Variants in MRE11 observed in about 807,000 individuals in gnomAD.
MRE11 encodes the protein double-strand break repair protein MRE11.
In MRE11, 62 loss-of-function variants were observed where a neutral mutation model predicts 91.7. The ratio of observed to expected loss-of-function variants is 0.68; its 90% CI spans 0.55 to 0.84. MRE11 has a LOEUF of 0.84. Among genes scored for constraint, MRE11 ranks in the 40% least tolerant of loss-of-function variants. MRE11 has a pLI of 0.00. For missense variants in MRE11, 796 were observed against 852.9 expected, an observed-to-expected ratio of 0.93 and a Z score of 0.83; for synonymous variants, 273 against 271.4, an observed-to-expected ratio of 1.01 and a Z score of -0.06.
rs566303799 is a variant in MRE11, at chr11:94,426,078, C to T, written c.2070+3833G>A. Reference sequence around the variant, plus strand: ...TTCTAAGATAGATCACGTGTTCAGTCAAAGTAAGTCTAAATAAATTCAAAA... The same window carrying T: ...TTCTAAGATAGATCACGTGTTCAGTTAAAGTAAGTCTAAATAAATTCAAAA... On this transcript the variant is annotated intron_variant, in intron 19 of 19. Coordinates refer to ENST00000323929, the MANE Select transcript of MRE11 (RefSeq NM_005591.4). Among the ~76,000 whole-genome samples the T allele has an allele frequency of 1.1e-4, 17 of 152,228 alleles. No individual in the cohort carries two copies. The South Asian group carries it at 3.5e-3, about 32-fold the overall frequency.
upstream of MRE11, chr11:94,496,682 T>C: frequency 6.4e-7 from 1 of 1,564,460 alleles, no homozygotes; most frequent in Non-Finnish European, 8.6e-7. Context: ...TTATTTAGAA[T>C]AGTAGTAAAA....
intron 4 of MRE11, among the ~76,000 whole-genome samples, chr11:94,484,075 A>G (rs909176203): frequency 1.3e-5 from 2 of 152,176 alleles, no homozygotes; most frequent in Non-Finnish European, 2.9e-5. Context: ...AGAAAGACAA[A>G]GTAAAAAATC....
rs1157435382 is a variant in MRE11 at position 94,447,357 on chromosome 11, C to T, written c.1645G>A (p.Asp549Asn). 1 of 1,614,100 alleles carries T rather than the reference C, an allele frequency of 6.2e-7. No individual in the cohort carries two copies. Among genetic ancestry groups the T allele is most frequent in the South Asian group, 1.1e-5 (1 of 91,082 alleles). Residue 549 changes from aspartate to asparagine, a missense_variant, in exon 15 of 20, where the codon GAT (aspartate) becomes AAT (asparagine). Asp to Asn is a conservative substitution (Grantham distance 23, BLOSUM62 1). Transcript: ENST00000323929. ...TCATTAGCCATCTGTTCTGCTAAAT[C>T]TATACTCATAAGGTCATCAGCACTA... is the stretch of plus-strand genomic sequence containing the variant. ...AFSADDLMSIDLAEQMANDSD... is the reference protein window; with the variant it reads ...AFSADDLMSINLAEQMANDSD...
At chr11:94,464,464 A>T (rs1475931211) in intron 10 of MRE11, among the ~76,000 whole-genome samples, 1 of 152,234 alleles carries the variant, frequency 6.6e-6, no homozygotes, top group Admixed American at 6.5e-5. Context: ...GATGGAATCA[A>T]GGTATTGCAA....
At chr11:94,458,200 A>T (rs1189501381) in intron 13 of MRE11, among the ~76,000 whole-genome samples, 3 of 151,082 alleles carry the variant, frequency 2.0e-5, no homozygotes, top group Non-Finnish European at 4.4e-5. Context: ...TTTTTTTTTA[A>T]ATAACATTGT....
intron 14 of MRE11, among the ~76,000 whole-genome samples, chr11:94,451,527 A>G (rs1214291409): frequency 6.6e-6 from 1 of 152,190 alleles, no homozygotes; most frequent in Non-Finnish European, 1.5e-5. Context: ...TGCGTGCACA[A>G]AAAGAAAATT....
Position 94,459,503 on chromosome 11 carries a change from C to T in MRE11, c.1405G>A (p.Ala469Thr). The change falls in exon 13 of 20, where the codon GCC (alanine) becomes ACC (threonine). Residue 469 changes from alanine (A) to threonine (T), a missense_variant. Physicochemically the swap from Ala to Thr is moderately conservative, Grantham distance 58 (BLOSUM62 0). Coordinates refer to ENST00000323929, the MANE Select transcript of MRE11 (RefSeq NM_005591.4). ...TGGTATTTCACTAATTCCTCAATGG[C>T]ATCTTTCTCCTCCTTGTCCACAAAT... ...QEFVDKEEKD[A>T]IEELVKYQLE... The T allele has an allele frequency of 6.2e-7, 1 of 1,614,028 alleles. No homozygotes were observed. The highest frequency in any genetic ancestry group is 1.7e-4 in the Middle Eastern group (1 of 6,054).
intron 14 of MRE11, among the ~76,000 whole-genome samples, chr11:94,447,883 A>C (rs1945983044): frequency 6.6e-6 from 1 of 151,776 alleles, no homozygotes; most frequent in Admixed American, 6.6e-5. Context: ...GTAAAGGAGA[A>C]CCTCCCCACC....
rs567567019 is a variant in MRE11 at position 94,435,462 on chromosome 11, G to A, written c.1994+370C>T. Among the ~76,000 whole-genome samples the A allele has an allele frequency of 2.0e-5, 3 of 152,186 alleles. No homozygotes were observed. In the South Asian group the frequency reaches 6.2e-4, roughly 32 times the overall value. ...TCCCAACTATTCAGGAGGCTGAGGT[G>A]GGAGAATTGCTTGAGCCCAGAAAGT... On this transcript the variant is annotated intron_variant, in intron 18 of 19. Transcript: ENST00000323929.
At chr11:94,464,459 A>G (rs1188697022) in intron 10 of MRE11, among the ~76,000 whole-genome samples, 1 of 152,208 alleles carries the variant, frequency 6.6e-6, no homozygotes, top group Non-Finnish European at 1.5e-5. Context: ...TGTTCGATGG[A>G]ATCAAGGTAT....
chr11:94,494,437 T>C (rs1199400075), upstream of MRE11, among the ~76,000 whole-genome samples: 1 of 152,220 alleles, frequency 6.6e-6, no homozygotes, highest in East Asian at 1.9e-4. Flanking sequence ...TTCAGTTCCA[T>C]TGAAGGGTCC....
intron 8 of MRE11, 66 bp downstream of exon 8, chr11:94,471,508 C>G: frequency 6.6e-7 from 1 of 1,504,124 alleles, no homozygotes; most frequent in Non-Finnish European, 9.2e-7. Flanking sequence ...GGCCTTAAAC[C>G]TATGAGATGA....
chr11:94,460,252 G>A (rs1206653488), intron 12 of MRE11, among the ~76,000 whole-genome samples: 5 of 152,162 alleles, frequency 3.3e-5, no homozygotes, highest in Admixed American at 3.3e-4. Flanking sequence ...TGACCTACAC[G>A]ACTGTAAGAT....
At chr11:94,430,818 A>C (rs1202065371) in intron 18 of MRE11, among the ~76,000 whole-genome samples, 1 of 152,166 alleles carries the variant, frequency 6.6e-6, no homozygotes, top group Non-Finnish European at 1.5e-5. Context: ...ATGTCTTTTA[A>C]TTAATAAGAA....
At chr11:94,480,341 A>T (rs1946982276) in intron 4 of MRE11, among the ~76,000 whole-genome samples, 1 of 152,224 alleles carries the variant, frequency 6.6e-6, no homozygotes, top group Admixed American at 6.5e-5. Flanking sequence ...ACATTTCTGC[A>T]TCCTGCTTTT....
intron 4 of MRE11, among the ~76,000 whole-genome samples, chr11:94,480,521 G>A (rs1946985883): frequency 1.3e-5 from 2 of 152,204 alleles, no homozygotes; most frequent in Admixed American, 6.5e-5. Flanking sequence ...CAATGCTACA[G>A]TCAGTAATCT....
chr11:94,471,496 T>C (rs371793246), intron 8 of MRE11, 78 bp downstream of exon 8: 2 of 1,398,832 alleles, frequency 1.4e-6, no homozygotes, highest in Non-Finnish European at 2.0e-6. Flanking sequence ...AACCTTAACA[T>C]AGGCCTTAAA....
intron 18 of MRE11, among the ~76,000 whole-genome samples, chr11:94,433,594 G>C (rs1193730506): frequency 5.9e-5 from 9 of 152,150 alleles, no homozygotes; most frequent in Non-Finnish European, 1.3e-4. Context: ...TTGAATCACG[G>C]GGGCAGTTCC....
intron 3 of MRE11, among the ~76,000 whole-genome samples, chr11:94,487,571 A>C (rs1947173023): frequency 6.6e-6 from 1 of 152,236 alleles, no homozygotes; most frequent in Non-Finnish European, 1.5e-5. Context: ...GTAAACCTGG[A>C]CTGGATCCTG....
Sources: allele counts gnomAD v4.1 joint callset (sites outside exome capture counted in the v4.1 genomes callset), GRCh38; gene constraint gnomAD v4.1.1; transcripts MANE v1.5; gene names NCBI Gene and HGNC (gene_info 2026-07-23, HGNC 2026-07-21).